Variants in UBAP1L observed in about 807,000 individuals in gnomAD.
UBAP1L encodes ubiquitin associated protein 1 like.
In UBAP1L, 32 loss-of-function variants were observed where a neutral mutation model predicts 32.1. The observed-to-expected ratio is 1.00, with a 90% CI of 0.75 to 1.34. The LOEUF (loss-of-function observed/expected upper bound fraction) is 1.34. Ranked by LOEUF, UBAP1L falls within the 40% of genes most tolerant of loss-of-function variation. UBAP1L has a pLI of 0.00. For synonymous variants in UBAP1L, 243 were observed against 250.2 expected (o/e 0.97, Z 0.27); for missense variants, 516 against 540.5 (o/e 0.95, Z 0.45).
intron 1 of UBAP1L, among the ~76,000 whole-genome samples, chr15:65,109,706 A>G (rs2087355611): frequency 6.6e-6 from 1 of 152,204 alleles, no homozygotes; most frequent in Non-Finnish European, 1.5e-5. Context: ...AATAGCCAAT[A>G]TGATAAGTTG....
intron 4 of UBAP1L, chr15:65,097,838 C>T (rs2087194572): frequency 6.6e-6 from 1 of 152,152 alleles, no homozygotes; most frequent in Admixed American, 6.6e-5. Context: ...GTTTGAAAGT[C>T]ACTTCCCTTC....
At chr15:65,103,652 A>C (rs1172829005) in intron 2 of UBAP1L, among the ~76,000 whole-genome samples, 1 of 152,190 alleles carries the variant, frequency 6.6e-6, no homozygotes, top group East Asian at 1.9e-4. Flanking sequence ...AGAGGAGCAT[A>C]AGTTAGCTGC....
chr15:65,104,332 A>G (rs2140566184), intron 2 of UBAP1L, among the ~76,000 whole-genome samples: 1 of 152,056 alleles, frequency 6.6e-6, no homozygotes, highest in South Asian at 2.1e-4. Flanking sequence ...AAGAGAAGAG[A>G]AGAGAAGAAA....
At chr15:65,114,751 G>A (rs892796040) in intron 1 of UBAP1L, among the ~76,000 whole-genome samples, 6 of 152,156 alleles carry the variant, frequency 3.9e-5, no homozygotes, top group South Asian at 2.1e-4. Flanking sequence ...TAACAAAGCT[G>A]AGGAAAGTGT....
intron 1 of UBAP1L, among the ~76,000 whole-genome samples, chr15:65,113,756 A>G (rs1384862282): frequency 6.7e-5 from 10 of 149,878 alleles, no homozygotes; most frequent in African/African-American, 2.5e-4. Context: ...TCAAGAATAA[A>G]AAGAAAAGAA....
At chr15:65,108,147 C>T (rs1312463650) in intron 1 of UBAP1L, among the ~76,000 whole-genome samples, 1 of 151,940 alleles carries the variant, frequency 6.6e-6, no homozygotes, top group African/African-American at 2.4e-5. Flanking sequence ...AAGAGACCAA[C>T]AGGACAAAAA....
At chr15:65,099,746 A>C in intron 3 of UBAP1L, 32 bp from the exon 4 acceptor site, 2 of 1,507,824 alleles carry the variant, frequency 1.3e-6, no homozygotes, top group Non-Finnish European at 1.8e-6. Context: ...CATGTCAGTT[A>C]CTACAGGAAG....
chr15:65,113,921 C>T (rs560715757), intron 1 of UBAP1L, among the ~76,000 whole-genome samples: 1 of 152,174 alleles, frequency 6.6e-6, no homozygotes, highest in South Asian at 2.1e-4. Context: ...AAGTCTTGCT[C>T]TGTTGCCCAG....
chr15:65,101,059 G>A (rs1218496378), intron 3 of UBAP1L: 2 of 152,226 alleles, frequency 1.3e-5, no homozygotes, highest in Non-Finnish European at 2.9e-5. Flanking sequence ...AAGGGTTGTT[G>A]GCTCACAGTG....
rs551569445 is a variant in UBAP1L at position 65,102,184 on chromosome 15, G to A, written c.621C>T (p.Pro207=). The A allele has an allele frequency of 1.9e-4, 232 of 1,195,730 alleles. No homozygotes were observed. The highest frequency in any genetic ancestry group is 2.3e-4 in the Non-Finnish European group (217 of 964,176). 74.1% of individuals were successfully genotyped at this position (1,195,730 alleles called of 1,614,324 possible). A position where few individuals can be genotyped will look rare whatever the true frequency, so the allele number is the denominator to read the frequency against. ...ASPPGPAPQH[P]AAPASPPRPS... ...GCCGCGGGGGCGACGCGGGGGCGGC[G>A]GGGTGCTGGGGCGCGGGCCCCGGGG... is the stretch of plus-strand genomic sequence containing the variant. Residue 207 remains proline (P), a synonymous_variant, in exon 3 of 6, where the codon CCC becomes CCT. Coordinates refer to ENST00000559089, the MANE Select transcript of UBAP1L (RefSeq NM_001163692.2). This position sits in a 1 kb window ranked among gnomAD's most constrained non-coding sequence, Gnocchi z 5.0.
At position 65,102,263 on chromosome 15, in the gene UBAP1L, TGGCCGCGGA is replaced by T. The variant is rs2087249932; in HGVS notation, c.533_541del (p.Leu178_Gly180del). The stretch of plus-strand genomic sequence containing the variant: ...GCTCGGGCACAGGCTCAGCGCGCGG[TGGCCGCGGA>T]GGCCATGCAGGAGGGCGCGGGGCCG... On this transcript the variant is annotated inframe_deletion, in exon 3 of 6. Coordinates refer to ENST00000559089, the MANE Select transcript of UBAP1L (RefSeq NM_001163692.2). This position sits in a 1 kb window ranked among gnomAD's most constrained non-coding sequence, Gnocchi z 5.0. The T allele has an allele frequency of 7.6e-7, 1 of 1,313,682 alleles. No homozygotes were observed. Among genetic ancestry groups the T allele is most frequent in the Admixed American group, 4.3e-5 (1 of 23,518 alleles). The allele number at this position is 1,313,682 out of a possible 1,614,324, so 81.4% of individuals were successfully genotyped here.
In UBAP1L at chr15:65,102,291, G is replaced by C; in HGVS notation, c.514C>G (p.Arg172Gly). 13 of 1,398,174 alleles carry C rather than the reference G, an allele frequency of 9.3e-6. No individual in the cohort carries two copies. Among genetic ancestry groups the C allele is most frequent in the Non-Finnish European group, 1.2e-5 (13 of 1,084,204 alleles). The allele number at this position is 1,398,174 out of a possible 1,614,324, so 86.6% of individuals were successfully genotyped here. ...LSEGKLVSRPRALLHGLRGHR... is the reference protein window; with the variant it reads ...LSEGKLVSRPGALLHGLRGHR... The stretch of plus-strand genomic sequence containing the variant: ...CCGCGGAGGCCATGCAGGAGGGCGC[G>C]GGGCCGGGAGACCAGCTTCCCCTCG... The change falls in exon 3 of 6, where the codon CGC becomes GGC. Residue 172 changes from arginine (R) to glycine (G), a missense_variant. Arg to Gly is a moderately radical substitution (Grantham distance 125). Transcript: ENST00000559089. This position sits in a 1 kb window ranked among gnomAD's most constrained non-coding sequence, Gnocchi z 5.0.
chr15:65,102,574 C>T lies in UBAP1L; in HGVS notation c.231G>A (p.Trp77Ter), dbSNP rs1416810059. The T allele has an allele frequency of 1.9e-6, 3 of 1,543,660 alleles. No homozygotes were observed. Among genetic ancestry groups the T allele is most frequent in the Non-Finnish European group, 2.6e-6 (3 of 1,144,184 alleles). The change falls in exon 3 of 6, where the codon TGG becomes TGA. Residue 77 changes from tryptophan to a stop codon, truncating the protein, a stop_gained. Transcript: ENST00000559089. LOFTEE classifies it high-confidence loss of function. The surrounding 1 kb of genome is among the most constrained non-coding windows in gnomAD (Gnocchi z 5.0). ...CATGTTCGGGGCTGACTAGCAAGAG[C>T]CAGGCTGGAGGGGCTGACGCTGTCC... The part of the protein sequence containing the change: ...DPGTASAPPA[W>*]LLLVSPEHGL...
chr15:65,106,632 A>G (rs1004183640), intron 1 of UBAP1L, among the ~76,000 whole-genome samples: 2 of 141,544 alleles, frequency 1.4e-5, no homozygotes, highest in Admixed American at 1.7e-4. Flanking sequence ...TGATTTTAGC[A>G]TAACCTTTTT....
intron 1 of UBAP1L, among the ~76,000 whole-genome samples, chr15:65,111,775 A>G (rs2087371013): frequency 1.3e-5 from 2 of 150,948 alleles, no homozygotes. Context: ...GTGAGCCACC[A>G]TGCCCAGCCT....
intron 1 of UBAP1L, among the ~76,000 whole-genome samples, chr15:65,113,544 T>G (rs2140573442): frequency 6.6e-6 from 1 of 152,260 alleles, no homozygotes; most frequent in South Asian, 2.1e-4. Flanking sequence ...GGTCAGGAGT[T>G]CGAGACCTGC....
intron 1 of UBAP1L, among the ~76,000 whole-genome samples, chr15:65,111,067 A>C (rs895878584): frequency 6.6e-6 from 1 of 152,220 alleles, no homozygotes. Context: ...CTTGCTGTAT[A>C]TAAGACTCAA....
At chr15:65,099,970 G>C (rs778899909) in intron 3 of UBAP1L, 1 of 343,694 alleles carries the variant, frequency 2.9e-6, no homozygotes, top group Non-Finnish European at 5.3e-6. Flanking sequence ...GGGACTGGGC[G>C]CGGTGGCTCA....
At chr15:65,105,342 A>G (rs2087296685) in intron 2 of UBAP1L, among the ~76,000 whole-genome samples, 1 of 147,228 alleles carries the variant, frequency 6.8e-6, no homozygotes, top group African/African-American at 2.5e-5. Flanking sequence ...AGCCAAGCAT[A>G]GTGGCATGTG....
Sources: gnomAD v4.1 joint callset for allele counts (sites outside exome capture counted in the v4.1 genomes callset) on GRCh38, gnomAD v4.1.1 for gene constraint, Gnocchi (gnomAD v3.1) non-coding constraint, MANE v1.5 for transcripts, NCBI Gene and HGNC (gene_info 2026-07-23, HGNC 2026-07-21) for gene names.